RPS6KC1: variants seen among roughly 807,000 people sequenced by gnomAD.
RPS6KC1 encodes inactive ribosomal protein S6 kinase delta-1.
A neutral mutation model predicts 103.8 loss-of-function variants in RPS6KC1; 54 were observed. The observed-to-expected ratio is 0.52, with a 90% confidence interval of 0.42 to 0.65. The LOEUF is 0.65. Ranked by LOEUF, RPS6KC1 falls within the 30% of genes least tolerant of loss-of-function variation. The pLI is 0.00. For synonymous variants in RPS6KC1, 439 were observed against 438.7 expected (o/e 1.00, Z -0.01); for missense variants, 1,151 against 1,253.8 (o/e 0.92, Z 1.24).
At chr1:213,444,166 C>T in the RPS6KC1 span, among the ~76,000 whole-genome samples, 3 of 152,110 alleles carry the variant, frequency 2.0e-5, no homozygotes, top group Admixed American at 6.5e-5. Context: ...CTTTATGTGG[C>T]ATTCTCTCTC....
chr1:213,717,124 T>C, the RPS6KC1 span, among the ~76,000 whole-genome samples: 3 of 152,316 alleles, frequency 2.0e-5, no homozygotes, highest in East Asian at 5.8e-4. Flanking sequence ...GCAAAATGAA[T>C]AGGGCACTAG....
the RPS6KC1 span, among the ~76,000 whole-genome samples, chr1:213,776,828 G>A: frequency 1.6e-4 from 24 of 152,296 alleles, 1 homozygote; most frequent in African/African-American, 5.5e-4. Flanking sequence ...GCTTAGTGTA[G>A]CCATCTTCAA....
At chr1:213,627,301 G>A in the RPS6KC1 span, among the ~76,000 whole-genome samples, 6 of 152,174 alleles carry the variant, frequency 3.9e-5, no homozygotes, top group Admixed American at 3.3e-4. Context: ...GAAGTTGCCT[G>A]TCAGCTTAAG....
chr1:213,575,858 C>T, the RPS6KC1 span, among the ~76,000 whole-genome samples: 1 of 152,164 alleles, frequency 6.6e-6, no homozygotes, highest in African/African-American at 2.4e-5. Flanking sequence ...TAGCACCCAG[C>T]TCAATATGAG....
intron 12 of RPS6KC1, among the ~76,000 whole-genome samples, chr1:213,243,285 A>AT (rs56097039): frequency 3.3e-5 from 5 of 150,114 alleles, no homozygotes; most frequent in African/African-American, 1.2e-4. Context: ...AATTAAAAAA[A>AT]TTTTTTTTTT....
At chr1:213,636,916 A>G in the RPS6KC1 span, among the ~76,000 whole-genome samples, 1 of 152,210 alleles carries the variant, frequency 6.6e-6, no homozygotes, top group Non-Finnish European at 1.5e-5. Context: ...AAATAAATTT[A>G]GAAGAAAAAA....
At chr1:213,464,122 G>C in the RPS6KC1 span, among the ~76,000 whole-genome samples, 1 of 152,146 alleles carries the variant, frequency 6.6e-6, no homozygotes, top group Admixed American at 6.6e-5. Context: ...TTGCATGTCT[G>C]CTCACATGTA....
At chr1:213,351,169 A>G in the RPS6KC1 span, among the ~76,000 whole-genome samples, 2 of 152,178 alleles carry the variant, frequency 1.3e-5, no homozygotes, top group African/African-American at 4.8e-5. Context: ...CCTGGGATCA[A>G]TTCTTAGATG....
the RPS6KC1 span, among the ~76,000 whole-genome samples, chr1:213,775,107 A>G: frequency 1.9e-4 from 29 of 152,194 alleles, no homozygotes; most frequent in Non-Finnish European, 3.7e-4. Context: ...AGTCTTTATC[A>G]CACACTCTCT....
In RPS6KC1 at chr1:213,185,642, ACT is replaced by A. The variant is rs369260143; in HGVS notation, c.1044+9153_1044+9154del. On this transcript the variant is annotated intron_variant, in intron 8 of 14. Coordinates refer to ENST00000366960, the MANE Select transcript of RPS6KC1 (RefSeq NM_012424.6). ...CATCCAGCCTGGGTGACAGAGCAAG[ACT>A]CTGTCTCAAAAAGAAAAAAAAAATT... Among the ~76,000 whole-genome samples, 19 of 151,992 alleles carry A rather than the reference ACT, an allele frequency of 1.3e-4. No homozygotes were observed. The East Asian group carries it at 3.5e-3, about 28-fold the overall frequency.
the RPS6KC1 span, among the ~76,000 whole-genome samples, chr1:213,772,794 A>C: frequency 6.6e-6 from 1 of 152,300 alleles, no homozygotes; most frequent in Admixed American, 6.5e-5. Context: ...ACTAGAAGTC[A>C]ATAGCACAGT....
At chr1:213,725,329 G>A in the RPS6KC1 span, among the ~76,000 whole-genome samples, 18 of 152,306 alleles carry the variant, frequency 1.2e-4, no homozygotes, top group African/African-American at 4.3e-4. Flanking sequence ...GTTTTCACTG[G>A]CTTTCTCAAT....
At chr1:213,309,788 G>A in the RPS6KC1 span, among the ~76,000 whole-genome samples, 9 of 151,980 alleles carry the variant, frequency 5.9e-5, no homozygotes, top group African/African-American at 2.2e-4. Flanking sequence ...GGGTTCAAGC[G>A]ATTCTCCCAC....
At chr1:213,597,972 G>GA in the RPS6KC1 span, among the ~76,000 whole-genome samples, 2 of 152,022 alleles carry the variant, frequency 1.3e-5, no homozygotes, top group African/African-American at 4.8e-5. Flanking sequence ...AGGGTTGTTT[G>GA]AAAAAAAGAA....
At chr1:213,410,564 T>G in the RPS6KC1 span, among the ~76,000 whole-genome samples, 2 of 152,062 alleles carry the variant, frequency 1.3e-5, no homozygotes, top group South Asian at 4.2e-4. Context: ...AGGATTGAAT[T>G]TGGAGGCCAC....
the RPS6KC1 span, among the ~76,000 whole-genome samples, chr1:213,378,198 T>C: frequency 6.6e-6 from 1 of 152,230 alleles, no homozygotes; most frequent in Non-Finnish European, 1.5e-5. Flanking sequence ...ACTCTCCCTC[T>C]AAGTGTGAAA....
the RPS6KC1 span, among the ~76,000 whole-genome samples, chr1:213,706,151 A>C: frequency 2.6e-5 from 4 of 152,144 alleles, no homozygotes; most frequent in Admixed American, 2.6e-4. Context: ...GTTTAGCATT[A>C]GTACTCTCCT....
At chr1:213,281,244 A>ATACGCG in the RPS6KC1 span, among the ~76,000 whole-genome samples, 1 of 152,260 alleles carries the variant, frequency 6.6e-6, no homozygotes, top group African/African-American at 2.4e-5. Context: ...TCACTTGCGC[A>ATACGCG]TATACCTGTC....
At chr1:213,218,102 CA>C (rs199688812) in intron 8 of RPS6KC1, among the ~76,000 whole-genome samples, 5,066 of 152,268 alleles carry the variant, frequency 0.033, 111 homozygotes, top group Middle Eastern at 0.054. Flanking sequence ...TTGCAGATGA[CA>C]TGATTATATA....
Sources: allele counts gnomAD v4.1 joint callset (sites outside exome capture counted in the v4.1 genomes callset), GRCh38; gene constraint gnomAD v4.1.1; transcripts MANE v1.5; gene names NCBI Gene and HGNC (gene_info 2026-07-23, HGNC 2026-07-21).